Variants in PLAAT5 observed in about 807,000 individuals in gnomAD.
The protein encoded by PLAAT5 is Ca(2+)-independent N-acyltransferase.
PLAAT5 carries 27 observed loss-of-function variants against 27.8 expected under a neutral mutation model. That is an observed-to-expected ratio of 0.97 (90% confidence interval 0.72 to 1.34). The LOEUF is 1.34. Among genes scored for constraint, PLAAT5 ranks in the 40% most tolerant of loss-of-function variants. PLAAT5 has a pLI of 0.00. For missense variants in PLAAT5, 368 were observed against 343.8 expected (o/e 1.07, Z -0.56); for synonymous variants, 125 against 136.1 (o/e 0.92, Z 0.57).
intron 3 of PLAAT5, among the ~76,000 whole-genome samples, chr11:63,468,708 C>T (rs957831320): frequency 6.6e-6 from 1 of 152,184 alleles, no homozygotes; most frequent in Admixed American, 6.5e-5. Context: ...TGCCTCTCAG[C>T]TGTGAATGTA....
At chr11:63,483,784 AATAT>A (rs56345803) in intron 3 of PLAAT5, among the ~76,000 whole-genome samples, 1 of 65,680 alleles carries the variant, frequency 1.5e-5, no homozygotes, top group Non-Finnish European at 2.6e-5. Flanking sequence ...GCAAAAAAAA[AATAT>A]ATATATATAT....
chr11:63,463,282 G>C lies in PLAAT5; in HGVS notation c.*221C>G, dbSNP rs1010224488. 3.5e-6 allele frequency: 2 copies of C among 577,878 alleles called. No homozygotes were observed. Among genetic ancestry groups the C allele is most frequent in the Non-Finnish European group, 6.2e-6 (2 of 321,646 alleles). 35.8% of individuals were successfully genotyped at this position (577,878 alleles called of 1,614,324 possible). ...GCCTAGCACAGTGCCTGGCGCATAA[G>C]AGATACACACTAGATACCAGATCCT... is the stretch of plus-strand genomic sequence containing the variant. On this transcript the variant is annotated 3_prime_UTR_variant, in exon 6 of 6. Transcript: ENST00000540857.
intron 3 of PLAAT5, among the ~76,000 whole-genome samples, chr11:63,477,578 C>T (rs538282018): frequency 2.6e-5 from 4 of 152,008 alleles, no homozygotes; most frequent in Admixed American, 1.3e-4. Flanking sequence ...CAGGTTCAAA[C>T]GATTCTCCTG....
At chr11:63,488,830 A>G in intron 3 of PLAAT5, 41 bp downstream of exon 3, 1 of 1,342,276 alleles carries the variant, frequency 7.5e-7, no homozygotes, top group Non-Finnish European at 1.1e-6. Context: ...AGTTGCCAGG[A>G]GGTTAAAGAT....
chr11:63,490,011 A>G (rs2016522520), intron 2 of PLAAT5, among the ~76,000 whole-genome samples: 1 of 152,226 alleles, frequency 6.6e-6, no homozygotes, highest in Non-Finnish European at 1.5e-5. Flanking sequence ...TCTGGGGTCT[A>G]GAGAATGGCC....
At chr11:63,472,946 A>G (rs2016063989) in intron 3 of PLAAT5, among the ~76,000 whole-genome samples, 1 of 151,720 alleles carries the variant, frequency 6.6e-6, no homozygotes, top group African/African-American at 2.4e-5. Context: ...TCTATTAAAA[A>G]TACAAAAAAA....
intron 3 of PLAAT5, among the ~76,000 whole-genome samples, chr11:63,481,962 T>C: frequency 6.6e-6 from 1 of 152,252 alleles, no homozygotes; most frequent in South Asian, 2.1e-4. Flanking sequence ...TGCTAAATGA[T>C]GAGTTAATAG....
intron 1 of PLAAT5, 174 bp from the exon 2 acceptor site, chr11:63,490,507 CGGGTTCAGT>C: frequency 1.0e-6 from 1 of 996,046 alleles, no homozygotes; most frequent in Non-Finnish European, 1.5e-6. Flanking sequence ...GGTGCTGGAG[CGGGTTCAGT>C]TCCTCTGCCA....
At position 63,469,145 on chromosome 11, in the gene PLAAT5, T is replaced by TGTGTGTGTGA. The variant is rs377110717; in HGVS notation, c.346-681_346-680insTCACACACAC. Among the ~76,000 whole-genome samples, 196 of 122,784 alleles carry TGTGTGTGTGA rather than the reference T, an allele frequency of 1.6e-3. 2 individuals carry two copies. Among genetic ancestry groups the TGTGTGTGTGA allele is most frequent in the African/African-American group, 5.3e-3 (178 of 33,712 alleles). The allele number at this position is 122,784 out of a possible 152,430, so 80.6% of individuals were successfully genotyped here. A position where few individuals can be genotyped will look rare whatever the true frequency, so the allele number is the denominator to read the frequency against. On this transcript the variant is annotated intron_variant, in intron 3 of 5. Coordinates refer to ENST00000540857, the MANE Select transcript of PLAAT5 (RefSeq NM_001146729.2). ...GTGTGTGTGTGTGTGTGTGTGTGTG[T>TGTGTGTGTGA]GAGAGAGAGAGAGAGACAGGTAGAG... is the stretch of plus-strand genomic sequence containing the variant.
intron 3 of PLAAT5, among the ~76,000 whole-genome samples, chr11:63,485,930 C>T (rs1468281361): frequency 1.3e-5 from 2 of 151,696 alleles, no homozygotes; most frequent in Non-Finnish European, 1.5e-5. Context: ...AATAAATCAG[C>T]AAGGAAAAAA....
rs2015769158 is a variant in PLAAT5, at chr11:63,463,445, A to G, written c.*58T>C. ...CCATTGAGAGAAGGCAAGGGAAGGA[A>G]GCATGTTCTTTTTGCTTGTGTCAGT... is the stretch of plus-strand genomic sequence containing the variant. On this transcript the variant is annotated 3_prime_UTR_variant, in exon 6 of 6. Transcript: ENST00000540857. The G allele has an allele frequency of 7.8e-7, 1 of 1,290,316 alleles. No homozygotes were observed. The highest frequency in any genetic ancestry group is 2.3e-5 in the East Asian group (1 of 43,286). The allele number at this position is 1,290,316 out of a possible 1,614,324, so 79.9% of individuals were successfully genotyped here.
intron 3 of PLAAT5, among the ~76,000 whole-genome samples, chr11:63,477,516 C>T (rs893708754): frequency 2.6e-5 from 4 of 152,036 alleles, no homozygotes; most frequent in Non-Finnish European, 1.5e-5. Flanking sequence ...CGCCGTGTCG[C>T]CCAGGCTGGA....
intron 4 of PLAAT5, among the ~76,000 whole-genome samples, chr11:63,467,733 T>C (rs1045347581): frequency 6.6e-6 from 1 of 152,144 alleles, no homozygotes; most frequent in African/African-American, 2.4e-5. Context: ...TTAAGTTGTT[T>C]CCCATTTTGC....
chr11:63,491,025 T>G lies in PLAAT5; in HGVS notation c.10A>C (p.Ser4Arg). ...GCGTACTCCCCCTCGGCGCCCGGGC[T>G]CAGGCCCATCCCGCCTCTGCGGCCT... MGLSPGAEGEYALR... is the reference protein window; with the variant it reads MGLRPGAEGEYALR... Residue 4 changes from serine to arginine, a missense_variant, in exon 1 of 6, where the codon AGC becomes CGC. Transcript: ENST00000540857. The G allele has an allele frequency of 6.7e-7, 1 of 1,482,746 alleles. No individual in the cohort carries two copies. Among genetic ancestry groups the G allele is most frequent in the South Asian group, 1.4e-5 (1 of 74,070 alleles). 91.8% of individuals were successfully genotyped at this position (1,482,746 alleles called of 1,614,324 possible).
At position 63,472,564 on chromosome 11, in the gene PLAAT5, T is replaced by C. The variant is rs761920725; in HGVS notation, c.346-4099A>G. On this transcript the variant is annotated intron_variant, in intron 3 of 5. Coordinates refer to ENST00000540857, the MANE Select transcript of PLAAT5 (RefSeq NM_001146729.2). ...TTTGGTGAAGACTGCCACCTTAAGA[T>C]TGCAGATATTTCGCAATCCACAAAC... Among the ~76,000 whole-genome samples the C allele has an allele frequency of 2.6e-5, 4 of 152,348 alleles. No homozygotes were observed. In the South Asian group the frequency reaches 6.2e-4, roughly 24 times the overall value.
chr11:63,469,397 G>A (rs575715884), intron 3 of PLAAT5: 17 of 253,852 alleles, frequency 6.7e-5, no homozygotes, highest in Non-Finnish European at 1.5e-4. Context: ...CTCTAAGCCA[G>A]ACCTGATCAA....
Position 63,466,310 on chromosome 11 carries a change from T to C in PLAAT5, c.517A>G (p.Ser173Gly). 6.2e-7 allele frequency: 1 copy of C among 1,614,180 alleles called. No homozygotes were observed. The highest frequency in any genetic ancestry group is 8.5e-7 in the Non-Finnish European group (1 of 1,180,034). Residue 173 changes from serine to glycine, a missense_variant, in exon 5 of 6, where the codon AGT (serine) becomes GGT (glycine). Physicochemically the swap from Ser to Gly is moderately conservative, Grantham distance 56. Coordinates refer to ENST00000540857, the MANE Select transcript of PLAAT5 (RefSeq NM_001146729.2). ...IFSNRAVVKY[S>G]RLEDVLHGCS... is the part of the protein sequence containing the mutation. ...CCATGCAGCACATCCTCCAGACGAC[T>C]GTATTTCACCACGGCCCGATTGCTA... is the stretch of plus-strand genomic sequence containing the variant.
At chr11:63,485,066 A>G (rs1422487211) in intron 3 of PLAAT5, among the ~76,000 whole-genome samples, 2 of 152,124 alleles carry the variant, frequency 1.3e-5, no homozygotes, top group African/African-American at 4.8e-5. Context: ...AAAAATACTT[A>G]GGAATATACC....
In PLAAT5 at chr11:63,488,899, T is replaced by C. The variant is rs2016498519; in HGVS notation, c.317A>G (p.Glu106Gly). Reference protein sequence around the residue: ...DWSSIPKPENEGKLIKQAAEG... With the variant: ...DWSSIPKPENGGKLIKQAAEG... ...AGCTGCTTGCTTTATTAACTTGCCT[T>C]CATTCTCAGGCTTTGGAATTGAACT... Residue 106 changes from glutamate to glycine, a missense_variant, in exon 3 of 6, where the codon GAA becomes GGA. Glu to Gly is a moderately conservative substitution (Grantham distance 98). Transcript: ENST00000540857. The C allele has an allele frequency of 3.7e-6, 6 of 1,613,562 alleles. No homozygotes were observed. In the African/African-American group the frequency reaches 6.7e-5, roughly 18 times the overall value.
Sources: gnomAD v4.1 joint callset for allele counts (sites outside exome capture counted in the v4.1 genomes callset) on GRCh38, gnomAD v4.1.1 for gene constraint, MANE v1.5 for transcripts, NCBI Gene and HGNC (gene_info 2026-07-23, HGNC 2026-07-21) for gene names.